MTUS2: variants seen among roughly 807,000 people sequenced by gnomAD.
MTUS2 encodes the protein microtubule associated scaffold protein 2, also known as microtubule-associated tumor suppressor candidate 2.
MTUS2 carries 40 observed loss-of-function variants against 114.1 expected under a neutral mutation model. The observed-to-expected ratio is 0.35, with a 90% confidence interval of 0.27 to 0.46. MTUS2 has a LOEUF of 0.46. MTUS2 is among the 20% of genes least tolerant of loss of function. The pLI is 1.00. For synonymous variants in MTUS2, 688 were observed against 672.0 expected, an observed-to-expected ratio of 1.02 and a Z score of -0.37; for missense variants, 1,679 against 1,705.4, an observed-to-expected ratio of 0.98 and a Z score of 0.27.
At chr13:29,320,378 G>C (rs1453993962) in intron 6 of MTUS2, among the ~76,000 whole-genome samples, 2 of 152,222 alleles carry the variant, frequency 1.3e-5, no homozygotes, top group Non-Finnish European at 2.9e-5. Context: ...CTGACCTCCA[G>C]AACTAGAAGA....
chr13:29,170,678 T>C (rs921412684), intron 5 of MTUS2, among the ~76,000 whole-genome samples: 1 of 152,168 alleles, frequency 6.6e-6, no homozygotes, highest in Non-Finnish European at 1.5e-5. Context: ...GGGCATTTGC[T>C]GTCAAGTACA....
chr13:29,167,445 A>C (rs2139103562), intron 5 of MTUS2, among the ~76,000 whole-genome samples: 1 of 150,388 alleles, frequency 6.6e-6, no homozygotes, highest in South Asian at 2.1e-4. Context: ...TAAATAAATT[A>C]CTTTCTAAGT....
At chr13:29,475,653 AG>A (rs561398838) in intron 9 of MTUS2, among the ~76,000 whole-genome samples, 37 of 152,340 alleles carry the variant, frequency 2.4e-4, no homozygotes, top group African/African-American at 8.9e-4. Context: ...AAGCTTAAAA[AG>A]TAAAAAAGTA....
At chr13:28,850,047 A>G (rs1047791625) in intron 2 of MTUS2, among the ~76,000 whole-genome samples, 2 of 152,158 alleles carry the variant, frequency 1.3e-5, no homozygotes, top group Admixed American at 6.5e-5. Context: ...TGGTTGGTGG[A>G]ACAGGCCGTA....
chr13:29,214,928 TCTC>T (rs764478509), intron 5 of MTUS2, among the ~76,000 whole-genome samples: 2 of 152,168 alleles, frequency 1.3e-5, no homozygotes, highest in Admixed American at 1.3e-4. Context: ...TTGAGGAAGT[TCTC>T]CTGGATAATA....
chr13:28,823,308 T>C (rs1342973975), intron 1 of MTUS2, among the ~76,000 whole-genome samples: 1 of 152,338 alleles, frequency 6.6e-6, no homozygotes, highest in Non-Finnish European at 1.5e-5. Context: ...GAGTATCTGC[T>C]TGTTCCCATT....
At chr13:29,094,086 A>G (rs915112964) in intron 4 of MTUS2, among the ~76,000 whole-genome samples, 4 of 152,096 alleles carry the variant, frequency 2.6e-5, no homozygotes, top group Admixed American at 2.6e-4. Flanking sequence ...AATATTTTGT[A>G]TATGTTGCCA....
chr13:29,485,479 A>AT (rs1301868076), intron 10 of MTUS2, among the ~76,000 whole-genome samples: 1 of 152,176 alleles, frequency 6.6e-6, no homozygotes, highest in African/African-American at 2.4e-5. Context: ...TTGTGTTCAG[A>AT]TTTTTTGACT....
At chr13:29,018,547 G>A (rs1376484353) in intron 2 of MTUS2, among the ~76,000 whole-genome samples, 1 of 152,206 alleles carries the variant, frequency 6.6e-6, no homozygotes, top group Non-Finnish European at 1.5e-5. Flanking sequence ...GGCCAAGGTG[G>A]ATGGATCACC....
rs1032847392 is a variant in MTUS2, at chr13:29,497,316, A to G, written c.3658A>G (p.Asn1220Asp). Residue 1220 changes from asparagine to aspartate, a missense_variant, in exon 13 of 16, where the codon AAC becomes GAC. Around this residue, in one of 3 missense-constraint regions of MTUS2, gnomAD observed 822 missense variants for 899.7 expected, o/e 0.91. Transcript: ENST00000612955. The part of the protein sequence containing the change: ...ARRFEEALRK[N>D]TEEQLEIALA... The stretch of plus-strand genomic sequence containing the variant: ...CCGCTTCGAAGAGGCCTTGAGGAAG[A>G]ACACAGAGGAGCAGCTGGAGGTCGT... 9.9e-6 allele frequency: 16 copies of G among 1,611,920 alleles called. No homozygotes were observed. The highest frequency in any genetic ancestry group is 1.3e-5 in the Non-Finnish European group (15 of 1,179,840).
chr13:29,199,639 G>A (rs530209801), intron 5 of MTUS2, among the ~76,000 whole-genome samples: 50 of 152,216 alleles, frequency 3.3e-4, no homozygotes, highest in Middle Eastern at 3.4e-3. Flanking sequence ...AGGGATATGG[G>A]CCTGAAATTT....
chr13:29,288,585 C>G (rs1757096886), intron 6 of MTUS2, among the ~76,000 whole-genome samples: 1 of 152,066 alleles, frequency 6.6e-6, no homozygotes, highest in Admixed American at 6.6e-5. Context: ...ATTACTGGAG[C>G]CAGGCCTGTT....
intron 4 of MTUS2, among the ~76,000 whole-genome samples, chr13:29,068,384 C>T (rs544115316): frequency 1.3e-5 from 2 of 151,982 alleles, no homozygotes; most frequent in Non-Finnish European, 2.9e-5. Flanking sequence ...CCTCCGTCTA[C>T]ACCCAGAGAG....
chr13:28,980,755 T>C (rs995957999), intron 2 of MTUS2, among the ~76,000 whole-genome samples: 1 of 152,268 alleles, frequency 6.6e-6, no homozygotes, highest in Non-Finnish European at 1.5e-5. Flanking sequence ...AGGTTATTCC[T>C]CAGAGTGTTT....
chr13:29,222,748 G>C (rs540509059), intron 5 of MTUS2, among the ~76,000 whole-genome samples: 1 of 152,348 alleles, frequency 6.6e-6, no homozygotes, highest in East Asian at 1.9e-4. Flanking sequence ...TGCACTCTCA[G>C]GCCCAGGAAG....
At chr13:29,401,305 CAAAT>C (rs1874325766) in intron 8 of MTUS2, among the ~76,000 whole-genome samples, 1 of 152,088 alleles carries the variant, frequency 6.6e-6, no homozygotes, top group South Asian at 2.1e-4. Context: ...TGCCCGGCCA[CAAAT>C]ATTTTCTTTA....
chr13:28,948,606 C>T (rs1882654328), intron 2 of MTUS2, among the ~76,000 whole-genome samples: 1 of 152,152 alleles, frequency 6.6e-6, no homozygotes, highest in Admixed American at 6.5e-5. Context: ...GTTATTTCTA[C>T]CCTCTCATAA....
rs530631807 is a variant in MTUS2 at position 29,054,263 on chromosome 13, T to C, written c.2446+20138T>C. On this transcript the variant is annotated intron_variant, in intron 4 of 15. Coordinates refer to ENST00000612955, the MANE Select transcript of MTUS2 (RefSeq NM_001033602.4). ...TTTGATCATTTAAAAAATCTGTTGT[T>C]TTTTTCCCAAGTATTATTTAGCTGT... Among the ~76,000 whole-genome samples, 12 of 152,330 alleles carry C rather than the reference T, an allele frequency of 7.9e-5. No individual in the cohort carries two copies. In the East Asian group the frequency reaches 1.9e-3, roughly 24 times the overall value.
intron 4 of MTUS2, among the ~76,000 whole-genome samples, chr13:29,057,301 A>G (rs919173568): frequency 1.3e-5 from 2 of 152,028 alleles, no homozygotes; most frequent in African/African-American, 4.8e-5. Flanking sequence ...TGGTAGATAT[A>G]TGTTAGGCCC....
Sources: allele counts gnomAD v4.1 joint callset (sites outside exome capture counted in the v4.1 genomes callset), GRCh38; gene constraint gnomAD v4.1.1; regional missense constraint gnomAD v4.1.1; transcripts MANE v1.5; gene names NCBI Gene and HGNC (gene_info 2026-07-23, HGNC 2026-07-21).